Variants in CDKL3 observed in about 807,000 individuals in gnomAD.
The protein encoded by CDKL3 is cyclin dependent kinase like 3.
CDKL3 carries 65 observed loss-of-function variants against 69.3 expected under a neutral mutation model. The observed-to-expected ratio is 0.94, with a 90% CI of 0.77 to 1.15. The LOEUF is 1.15. CDKL3 is among the 50% of genes most tolerant of loss of function. CDKL3 has a pLI of 0.00. For synonymous variants in CDKL3, 202 were observed against 221.6 expected (o/e 0.91, Z 0.79); for missense variants, 652 against 689.2 (o/e 0.95, Z 0.61).
At chr5:134,335,013 T>G (rs1477966226) in intron 4 of CDKL3, among the ~76,000 whole-genome samples, 1 of 152,206 alleles carries the variant, frequency 6.6e-6, no homozygotes, top group Non-Finnish European at 1.5e-5. Flanking sequence ...TGGGTGCATA[T>G]ATATTTAGGA....
chr5:134,292,998 A>ATTTCT (rs1765185423), intron 8 of CDKL3, among the ~76,000 whole-genome samples: 2 of 101,124 alleles, frequency 2.0e-5, no homozygotes, highest in Non-Finnish European at 4.2e-5. Flanking sequence ...CTCACTGCCA[A>ATTTCT]TTTCTTTTTT....
intron 7 of CDKL3, among the ~76,000 whole-genome samples, chr5:134,311,429 C>T (rs931650714): frequency 2.6e-5 from 4 of 151,820 alleles, no homozygotes; most frequent in South Asian, 2.1e-4. Flanking sequence ...TGCTTGAACC[C>T]GGGAGATGGA....
At chr5:134,296,460 C>T (rs1369931528), downstream of CDKL3, among the ~76,000 whole-genome samples, 1 of 152,100 alleles carries the variant, frequency 6.6e-6, no homozygotes, top group Non-Finnish European at 1.5e-5. Context: ...AGGAACAGAG[C>T]ACATGTGCAA....
intron 7 of CDKL3, 126 bp downstream of exon 7, chr5:134,312,166 C>G: frequency 1.5e-6 from 1 of 649,356 alleles, no homozygotes; most frequent in South Asian, 1.8e-5. Context: ...GATACAATAA[C>G]TCAATAAATT....
chr5:134,288,019 C>T (rs1338196203), intron 8 of CDKL3, among the ~76,000 whole-genome samples: 1 of 151,940 alleles, frequency 6.6e-6, no homozygotes, highest in African/African-American at 2.4e-5. Flanking sequence ...CTCAGCCTCC[C>T]GAGTAGCTGG....
chr5:134,321,254 C>T (rs887159536), intron 5 of CDKL3, among the ~76,000 whole-genome samples: 3 of 152,072 alleles, frequency 2.0e-5, no homozygotes, highest in Middle Eastern at 3.4e-3. Flanking sequence ...TCAGGTGCTC[C>T]GCCTGCCTTG....
chr5:134,292,805 T>C (rs1765176582), intron 8 of CDKL3, among the ~76,000 whole-genome samples: 1 of 151,722 alleles, frequency 6.6e-6, no homozygotes, highest in South Asian at 2.1e-4. Flanking sequence ...CAAAGGAAAA[T>C]ATTAAACAAT....
intron 4 of CDKL3, among the ~76,000 whole-genome samples, chr5:134,334,196 C>T (rs896663470): frequency 6.6e-5 from 10 of 151,738 alleles, no homozygotes; most frequent in African/African-American, 2.4e-4. Flanking sequence ...TGATTCTTCT[C>T]TCTTCTTTAT....
At chr5:134,293,615 G>C (rs1180716983), downstream of CDKL3, among the ~76,000 whole-genome samples, 1 of 151,916 alleles carries the variant, frequency 6.6e-6, no homozygotes, top group Non-Finnish European at 1.5e-5. Context: ...GGGCAACATA[G>C]CAAGACCCTG....
Position 134,319,463 on chromosome 5 carries a change from G to A in CDKL3, c.687C>T (p.Ser229=). ...CTACCCCAGCAAAAATGGGGCTCTT[G>A]GAAAAGATATTCTGCAAGTGAGGTG... The part of the protein sequence containing the change: ...NLSPHLQNIF[S]KSPIFAGVVL... The change falls in exon 6 of 13, where the codon TCC becomes TCT. Residue 229 remains serine (S), a synonymous_variant. Coordinates refer to ENST00000265334, the MANE Select transcript of CDKL3 (RefSeq NM_001113575.2). The A allele has an allele frequency of 1.3e-6, 2 of 1,530,310 alleles. No homozygotes were observed. The highest frequency in any genetic ancestry group is 2.5e-5 in the East Asian group (1 of 40,400). The allele number at this position is 1,530,310 out of a possible 1,614,324, so 94.8% of individuals were successfully genotyped here.
intron 4 of CDKL3, among the ~76,000 whole-genome samples, 162 bp downstream of exon 4, chr5:134,350,087 C>T (rs1752892130): frequency 6.6e-6 from 1 of 152,060 alleles, no homozygotes; most frequent in Admixed American, 6.6e-5. Context: ...ACTTGGGAGG[C>T]TGAAACAGGA....
chr5:134,304,213 G>A (rs905309643), intron 11 of CDKL3, among the ~76,000 whole-genome samples, 192 bp downstream of exon 11: 1 of 152,096 alleles, frequency 6.6e-6, no homozygotes, highest in Non-Finnish European at 1.5e-5. Context: ...ACACGCCTAA[G>A]CCTCTTTAAA....
At chr5:134,363,628 T>C (rs1756611963) in intron 2 of CDKL3, among the ~76,000 whole-genome samples, 1 of 151,990 alleles carries the variant, frequency 6.6e-6, no homozygotes, top group Non-Finnish European at 1.5e-5. Flanking sequence ...GCCTGGCTAA[T>C]TTTTTGTGTT....
chr5:134,306,749 G>GGTTT, intron 9 of CDKL3, 47 bp from the exon 10 acceptor site: 1 of 291,426 alleles, frequency 3.4e-6, no homozygotes, highest in Non-Finnish European at 5.5e-6. Flanking sequence ...CCCCAGAAAT[G>GGTTT]CTTTTTTTTT....
chr5:134,365,443 T>C (rs1179022309), intron 2 of CDKL3, among the ~76,000 whole-genome samples: 1 of 152,118 alleles, frequency 6.6e-6, no homozygotes, highest in Non-Finnish European at 1.5e-5. Context: ...TTTTGTTTTT[T>C]ACAATACAGC....
chr5:134,308,305 T>C lies in CDKL3; in HGVS notation c.1197A>G (p.Lys399=). 6.2e-7 allele frequency: 1 copy of C among 1,613,948 alleles called. No individual in the cohort carries two copies. Among genetic ancestry groups the C allele is most frequent in the Non-Finnish European group, 8.5e-7 (1 of 1,179,858 alleles). The change falls in exon 9 of 13, where the codon AAA becomes AAG. Residue 399 remains lysine (K), a synonymous_variant. Coordinates refer to ENST00000265334, the MANE Select transcript of CDKL3 (RefSeq NM_001113575.2). ...ENVHPMSPDT[K]LVTIEPPNPI... is the part of the protein sequence containing the mutation. ...GGTTTGGTGGTTCAATGGTTACAAG[T>C]TTTGTATCTGGAGACATAGGATGAA...
chr5:134,314,086 G>A (rs533791779), intron 6 of CDKL3, among the ~76,000 whole-genome samples: 1 of 152,148 alleles, frequency 6.6e-6, no homozygotes, highest in Non-Finnish European at 1.5e-5. Flanking sequence ...AGGAGGTTGC[G>A]GTGAGCCAAG....
chr5:134,324,528 C>T (rs1474622827), intron 4 of CDKL3, among the ~76,000 whole-genome samples: 1 of 151,958 alleles, frequency 6.6e-6, no homozygotes, highest in Non-Finnish European at 1.5e-5. Flanking sequence ...GAGAAGTGAG[C>T]TGTCAAGATA....
intron 4 of CDKL3, among the ~76,000 whole-genome samples, chr5:134,330,288 G>A (rs1266633402): frequency 6.6e-6 from 1 of 152,124 alleles, no homozygotes; most frequent in Non-Finnish European, 1.5e-5. Context: ...CTTTAAGGTA[G>A]ATGCCTAATA....
Sources: allele counts gnomAD v4.1 joint callset (sites outside exome capture counted in the v4.1 genomes callset), GRCh38; gene constraint gnomAD v4.1.1; transcripts MANE v1.5; gene names NCBI Gene and HGNC (gene_info 2026-07-23, HGNC 2026-07-21).